The following ZNF385D variants were observed in gnomAD, a reference collection of about 807,000 sequenced individuals.
ZNF385D encodes zinc finger protein 385D.
A neutral mutation model predicts 35.8 loss-of-function variants in ZNF385D; 15 were observed. The observed-to-expected ratio is 0.42, with a 90% CI of 0.28 to 0.64. The LOEUF is 0.64. Among genes scored for constraint, ZNF385D ranks in the 30% least tolerant of loss-of-function variants. The probability of loss-of-function intolerance (pLI) is 0.23; values close to 1 mark genes in which losing one functional copy is unlikely to be tolerated. For missense variants in ZNF385D, 474 were observed against 494.6 expected, an observed-to-expected ratio of 0.96 and a Z score of 0.39; for synonymous variants, 212 against 186.8, an observed-to-expected ratio of 1.13 and a Z score of -1.10.
intron 2 of ZNF385D, among the ~76,000 whole-genome samples, chr3:22,191,827 C>G (rs113796227): frequency 3.0e-3 from 462 of 152,162 alleles, no homozygotes; most frequent in African/African-American, 0.011. Flanking sequence ...TTAAAAATTA[C>G]CACTTCATGA....
In ZNF385D at chr3:22,164,216, C is replaced by CTTTTTTTTTTT. The variant is rs571978176; in HGVS notation, c.325+4590_325+4600dup. ...CACTATAGGTAATACAAAAGGAGCA[C>CTTTTTTTTTTT]TTTTTTTTTTTTTTTTTTTTTTTTT... On this transcript the variant is annotated intron_variant, in intron 3 of 5. Coordinates refer to the ZNF385D transcript ENST00000494108. 7.6e-4 allele frequency among the ~76,000 whole-genome samples: 57 copies of CTTTTTTTTTTT among 74,944 alleles called. 7 individuals are homozygous for CTTTTTTTTTTT. Among genetic ancestry groups the CTTTTTTTTTTT allele is most frequent in the African/African-American group, 2.2e-3 (44 of 19,874 alleles). 49.2% of individuals were successfully genotyped at this position (74,944 alleles called of 152,430 possible). A position where few individuals can be genotyped will look rare whatever the true frequency, so the allele number is the denominator to read the frequency against.
chr3:22,339,843 G>C (rs538671111), intron 2 of ZNF385D, among the ~76,000 whole-genome samples: 1 of 152,026 alleles, frequency 6.6e-6, no homozygotes, highest in African/African-American at 2.4e-5. Flanking sequence ...GATACTGATC[G>C]ACATCCGCTT....
intron 3 of ZNF385D, among the ~76,000 whole-genome samples, chr3:22,091,230 T>G (rs1701316064): frequency 6.6e-6 from 1 of 152,126 alleles, no homozygotes; most frequent in South Asian, 2.1e-4. Context: ...GACATTTAAC[T>G]AGATGGAGAT....
intron 3 of ZNF385D, among the ~76,000 whole-genome samples, chr3:21,931,248 T>C (rs1700992662): frequency 6.6e-6 from 1 of 152,198 alleles, no homozygotes; most frequent in South Asian, 2.1e-4. Flanking sequence ...TGATATATAA[T>C]TTTTTTACCC....
intron 3 of ZNF385D, among the ~76,000 whole-genome samples, chr3:21,824,353 T>C (rs958680114): frequency 1.3e-5 from 2 of 152,222 alleles, no homozygotes; most frequent in Non-Finnish European, 2.9e-5. Flanking sequence ...TTTGTCCATA[T>C]ACATGAATAC....
intron 2 of ZNF385D, among the ~76,000 whole-genome samples, chr3:21,565,165 A>ACAAGT (rs1490406996): frequency 2.6e-5 from 4 of 152,146 alleles, no homozygotes; most frequent in African/African-American, 9.7e-5. Context: ...TCTATAATAT[A>ACAAGT]CAAGTCCTGC....
At chr3:22,209,047 G>C (rs554566703) in intron 2 of ZNF385D, among the ~76,000 whole-genome samples, 16 of 151,942 alleles carry the variant, frequency 1.1e-4, no homozygotes, top group African/African-American at 3.9e-4. Context: ...GCCACCTGGA[G>C]TCACTGAAAA....
At chr3:21,586,350 A>G (rs2063811117) in intron 2 of ZNF385D, among the ~76,000 whole-genome samples, 1 of 152,206 alleles carries the variant, frequency 6.6e-6, no homozygotes, top group South Asian at 2.1e-4. Context: ...TAAGCAAAGT[A>G]CTTAAAGCCA....
In ZNF385D at chr3:21,468,120, T is replaced by A. The variant is rs191217394; in HGVS notation, c.440-30917A>T. Among the ~76,000 whole-genome samples the A allele has an allele frequency of 3.3e-3, 502 of 152,154 alleles. 2 individuals carry two copies. The highest frequency in any genetic ancestry group is 6.1e-3 in the Non-Finnish European group (415 of 67,980). On this transcript the variant is annotated intron_variant, in intron 4 of 7. Coordinates refer to ENST00000281523, the MANE Select transcript of ZNF385D (RefSeq NM_024697.3). The stretch of plus-strand genomic sequence containing the variant: ...AAAATGTGTCCATAAAAGTAGTATA[T>A]GGAGCCAGGTGTGGTGGCTCATGCC...
At chr3:22,317,745 G>A (rs1217821082) in intron 2 of ZNF385D, among the ~76,000 whole-genome samples, 2 of 152,098 alleles carry the variant, frequency 1.3e-5, no homozygotes, top group African/African-American at 2.4e-5. Context: ...TAATAAATTT[G>A]CATCACTTTT....
At chr3:21,872,452 G>C (rs1187688609) in intron 3 of ZNF385D, among the ~76,000 whole-genome samples, 1 of 152,112 alleles carries the variant, frequency 6.6e-6, no homozygotes, top group African/African-American at 2.4e-5. Context: ...AGATACTGAA[G>C]GCATTTTGGA....
chr3:22,272,317 A>C (rs1432888479), intron 2 of ZNF385D, among the ~76,000 whole-genome samples: 2 of 151,994 alleles, frequency 1.3e-5, no homozygotes, highest in African/African-American at 4.8e-5. Context: ...TTTCCCGTTG[A>C]GATATTGGAG....
intron 3 of ZNF385D, among the ~76,000 whole-genome samples, chr3:21,912,631 G>A (rs930765240): frequency 3.2e-4 from 48 of 151,986 alleles, no homozygotes; most frequent in African/African-American, 1.2e-3. Context: ...GAAATACAAT[G>A]CCACGTTAGG....
At chr3:21,485,769 A>C (rs1704983328) in intron 4 of ZNF385D, among the ~76,000 whole-genome samples, 1 of 152,248 alleles carries the variant, frequency 6.6e-6, no homozygotes, top group East Asian at 1.9e-4. Flanking sequence ...TAATTGCATT[A>C]TTGATCATCC....
chr3:22,164,177 C>T (rs1430570870), intron 3 of ZNF385D, among the ~76,000 whole-genome samples: 2 of 148,710 alleles, frequency 1.3e-5, no homozygotes, highest in Non-Finnish European at 3.0e-5. Context: ...TATAAGTGAG[C>T]ACTCCTTTTT....
intron 3 of ZNF385D, among the ~76,000 whole-genome samples, chr3:22,085,349 A>G (rs944882830): frequency 6.6e-6 from 1 of 152,212 alleles, no homozygotes; most frequent in Non-Finnish European, 1.5e-5. Context: ...AAAGAAGAAA[A>G]GAGAGAAGAA....
chr3:22,040,407 T>C (rs1698590428), intron 3 of ZNF385D, among the ~76,000 whole-genome samples: 1 of 152,034 alleles, frequency 6.6e-6, no homozygotes, highest in African/African-American at 2.4e-5. Flanking sequence ...ATGTCCAACA[T>C]CAAACAAAAA....
chr3:22,176,066 C>T (rs1018261531), intron 2 of ZNF385D, among the ~76,000 whole-genome samples: 2 of 146,908 alleles, frequency 1.4e-5, no homozygotes, highest in African/African-American at 5.5e-5. Flanking sequence ...GATCTAATTC[C>T]CCACTAGAGT....
At chr3:21,602,251 A>T (rs2064317150) in intron 2 of ZNF385D, among the ~76,000 whole-genome samples, 1 of 152,060 alleles carries the variant, frequency 6.6e-6, no homozygotes, top group Non-Finnish European at 1.5e-5. Flanking sequence ...ACACCTGGGG[A>T]TTATTATAAT....
Sources: allele counts gnomAD v4.1 joint callset (sites outside exome capture counted in the v4.1 genomes callset), GRCh38; gene constraint gnomAD v4.1.1; transcripts MANE v1.5; gene names NCBI Gene and HGNC (gene_info 2026-07-23, HGNC 2026-07-21).